Variants in NXF1 observed in about 807,000 individuals in gnomAD.
NXF1 encodes mRNA export factor TAP.
In NXF1, 43 loss-of-function variants were observed where a neutral mutation model predicts 92.4. That is an observed-to-expected ratio of 0.47 (90% confidence interval 0.36 to 0.60). The LOEUF (loss-of-function observed/expected upper bound fraction) is 0.60. Among genes scored for constraint, NXF1 ranks in the 20% least tolerant of loss-of-function variants. NXF1 has a pLI of 0.00. For synonymous variants in NXF1, 288 were observed against 292.2 expected (o/e 0.99, Z 0.15); for missense variants, 576 against 793.0 (o/e 0.73, Z 3.29).
At chr11:62,803,027 G>A (rs1444219855) in intron 3 of NXF1, among the ~76,000 whole-genome samples, 5 of 152,174 alleles carry the variant, frequency 3.3e-5, no homozygotes, top group Non-Finnish European at 5.9e-5. Context: ...CAGATGACAA[G>A]GAGAATTTTT....
At chr11:62,801,046 A>C (rs1210953627) in intron 9 of NXF1, 48 bp downstream of exon 9, 1 of 1,394,788 alleles carries the variant, frequency 7.2e-7, no homozygotes. Context: ...AACTCTCTAC[A>C]CCCTCTACCC....
chr11:62,792,357 C>T lies in NXF1; in HGVS notation c.*119G>A, dbSNP rs988994462. ...GGAGAGGGATCAGGCAGCCCTCCCT[C>T]CCTCGGTCACAGTCACGGGGCGGCC... is the stretch of plus-strand genomic sequence containing the variant. On this transcript the variant is annotated 3_prime_UTR_variant, in exon 21 of 21. Transcript: ENST00000294172. 9 of 1,243,876 alleles carry T rather than the reference C, an allele frequency of 7.2e-6. No homozygotes were observed. The highest frequency in any genetic ancestry group is 1.1e-5 in the Non-Finnish European group (9 of 848,212). The allele number at this position is 1,243,876 out of a possible 1,614,324, so 77.1% of individuals were successfully genotyped here.
At chr11:62,800,560 C>T in intron 9 of NXF1, 74 bp from the exon 10 acceptor site, 2 of 940,558 alleles carry the variant, frequency 2.1e-6, no homozygotes, top group East Asian at 5.2e-5. Context: ...ACCCCCAGTC[C>T]CTACGCTTAG....
Position 62,798,575 on chromosome 11 carries a change from G to A in NXF1, c.1017C>T (p.Ser339=), listed in dbSNP as rs562204003. The A allele has an allele frequency of 2.8e-5, 46 of 1,614,066 alleles. No homozygotes were observed. The highest frequency in any genetic ancestry group is 4.4e-5 in the South Asian group (4 of 91,078). The change falls in exon 11 of 21, where the codon AGC becomes AGT. Residue 339 remains serine (S), a splice_region_variant and synonymous_variant. Coordinates refer to ENST00000294172, the MANE Select transcript of NXF1 (RefSeq NM_006362.5). The part of the protein sequence containing the change: ...DTFRDQSTYI[S]AIRERFPKLL... ...ACTTGGGAAATCGTTCGCGAATGGC[G>A]CTGTCAAGAACGGGACAGAAGTGAG...
At chr11:62,804,192 T>C in intron 1 of NXF1, 3 of 1,519,504 alleles carry the variant, frequency 2.0e-6, no homozygotes, top group Non-Finnish European at 2.6e-6. Flanking sequence ...TGTAGGGCTT[T>C]TGAAAAATGA....
In NXF1 at chr11:62,800,792, T is replaced by A. The variant is rs182975997; in HGVS notation, c.906+302A>T. ...TAATTTATTTTTTAAATTAAAAAAA[T>A]TTTTTTGAGACAGGTTGCTCAGGCT... On this transcript the variant is annotated intron_variant, in intron 9 of 20. Transcript: ENST00000294172. Among the ~76,000 whole-genome samples the A allele has an allele frequency of 2.4e-3, 368 of 152,070 alleles. 2 individuals are homozygous for A. Among genetic ancestry groups the A allele is most frequent in the African/African-American group, 5.4e-3 (222 of 41,492 alleles).
chr11:62,803,723 C>T (rs2084504263), intron 2 of NXF1, 69 bp downstream of exon 2: 1 of 1,561,392 alleles, frequency 6.4e-7, no homozygotes, highest in African/African-American at 1.4e-5. Context: ...AAGGAAATGA[C>T]ATGGACAGTA....
At position 62,792,661 on chromosome 11, in the gene NXF1, G is replaced by C. The variant is rs377660358; in HGVS notation, c.1801C>G (p.Gln601Glu). 2 of 1,614,180 alleles carry C rather than the reference G, an allele frequency of 1.2e-6. No individual in the cohort carries two copies. Among genetic ancestry groups the C allele is most frequent in the Non-Finnish European group, 1.7e-6 (2 of 1,180,022 alleles). The stretch of plus-strand genomic sequence containing the variant: ...CTTACCTTGAGATGAGTGAAGGCCT[G>C]GGCAGATCTGGTGTAGTCCCAGTTG... ...DNNWDYTRSA[Q>E]AFTHLKAKGE... Residue 601 changes from glutamine (Q) to glutamate (E), a missense_variant, in exon 20 of 21, where the codon CAG (glutamine) becomes GAG (glutamate). This residue lies in a region of NXF1 where 425 missense variants were observed against 635.2 expected (regional missense o/e 0.67). Coordinates refer to ENST00000294172, the MANE Select transcript of NXF1 (RefSeq NM_006362.5).
Position 62,792,380 on chromosome 11 carries a change from G to T in NXF1, c.*96C>A. ...CTCCCTCGGTCACAGTCACGGGGCG[G>T]CCTCGGGCCAGACAGGAGGAGATGA... is the stretch of plus-strand genomic sequence containing the variant. On this transcript the variant is annotated 3_prime_UTR_variant, in exon 21 of 21. Coordinates refer to ENST00000294172, the MANE Select transcript of NXF1 (RefSeq NM_006362.5). 1.4e-6 allele frequency: 2 copies of T among 1,477,632 alleles called. No individual in the cohort carries two copies. The highest frequency in any genetic ancestry group is 2.3e-5 in the South Asian group (2 of 88,482). 91.5% of individuals were successfully genotyped at this position (1,477,632 alleles called of 1,614,324 possible). A position where few individuals can be genotyped will look rare whatever the true frequency, so the allele number is the denominator to read the frequency against.
intron 19 of NXF1, 183 bp from the exon 20 acceptor site, chr11:62,792,884 A>G (rs891452424): frequency 3.3e-6 from 2 of 601,116 alleles, no homozygotes; most frequent in Non-Finnish European, 5.9e-6. Flanking sequence ...TCTCAAAGAT[A>G]AGGAATATTA....
intron 17 of NXF1, chr11:62,795,381 CAGG>C (rs1459536120): frequency 9.9e-6 from 2 of 202,860 alleles, no homozygotes; most frequent in East Asian, 2.4e-4. Flanking sequence ...GAGGCTGAAG[CAGG>C]AGAACCACTT....
intron 1 of NXF1, among the ~76,000 whole-genome samples, chr11:62,804,887 T>G (rs957600103): frequency 2.0e-5 from 3 of 152,128 alleles, no homozygotes; most frequent in Admixed American, 2.0e-4. Context: ...CCCAGTGTAG[T>G]GTTCAGACTA....
At position 62,796,076 on chromosome 11, in the gene NXF1, CT is replaced by C; in HGVS notation, c.1450del (p.Ser484AlafsTer47). On this transcript the variant is annotated frameshift_variant, in exon 16 of 21. Transcript: ENST00000294172. LOFTEE classifies it high-confidence loss of function. ...CAAGCAGGAGCTTACTGTCTGGGCG[CT>C]TATGTCTACCACGAAGGAATTGACG... is the stretch of plus-strand genomic sequence containing the variant. ...HDVNSFVVDI[S>X]AQTSTLLCFS... is the part of the protein sequence containing the mutation. The C allele has an allele frequency of 6.2e-7, 1 of 1,611,818 alleles. No homozygotes were observed. The highest frequency in any genetic ancestry group is 8.5e-7 in the Non-Finnish European group (1 of 1,178,918).
chr11:62,796,382 C>T, intron 14 of NXF1, 37 bp from the exon 15 acceptor site: 1 of 1,613,658 alleles, frequency 6.2e-7, no homozygotes, highest in African/African-American at 1.3e-5. Context: ...GTGTTCAGAG[C>T]AGTGCTGCCA....
intron 10 of NXF1, chr11:62,799,736 GC>G (rs35839700): frequency 4.6e-5 from 45 of 985,942 alleles, no homozygotes; most frequent in Non-Finnish European, 5.4e-5. Context: ...TGCTGGCGGG[GC>G]CCCAGCTCTG....
At chr11:62,794,795 G>A in intron 18 of NXF1, 140 bp downstream of exon 18, 1 of 738,514 alleles carries the variant, frequency 1.4e-6, no homozygotes, top group Non-Finnish European at 2.3e-6. Flanking sequence ...CTATTAACTG[G>A]CTCTTAACTA....
chr11:62,805,400 G>T lies in NXF1; in HGVS notation c.-44C>A. 1.2e-6 allele frequency: 2 copies of T among 1,608,938 alleles called. No individual in the cohort carries two copies. Among genetic ancestry groups the T allele is most frequent in the African/African-American group, 1.3e-5 (1 of 74,644 alleles). ...GGCGGGCTCAGGCGCTGGCCGCTAC[G>T]CCGGCAAACAACCTAACTCCCAAGC... On this transcript the variant is annotated 5_prime_UTR_variant, in exon 1 of 21. Transcript: ENST00000294172.
At chr11:62,801,541 A>T (rs2084478618) in intron 7 of NXF1, 21 bp downstream of exon 7, 4 of 1,613,518 alleles carry the variant, frequency 2.5e-6, no homozygotes, top group Non-Finnish European at 3.4e-6. Context: ...CCTATCTGAG[A>T]ACTACTGCTG....
chr11:62,797,537 T>A lies in NXF1; in HGVS notation c.1054-151A>T, dbSNP rs1464021466. 9.0e-6 allele frequency: 6 copies of A among 668,582 alleles called. No homozygotes were observed. The African/African-American group carries it at 9.1e-5, about 10-fold the overall frequency. The allele number at this position is 668,582 out of a possible 1,614,324, so 41.4% of individuals were successfully genotyped here. ...TGGACAACGTGGCAAAACCCATCTC[T>A]ACCAAAAAAAATACAAAAATTAGCT... On this transcript the variant is annotated intron_variant, in intron 11 of 20. Transcript: ENST00000294172.
Sources: allele counts gnomAD v4.1 joint callset (sites outside exome capture counted in the v4.1 genomes callset), GRCh38; gene constraint gnomAD v4.1.1; regional missense constraint gnomAD v4.1.1; transcripts MANE v1.5; gene names NCBI Gene and HGNC (gene_info 2026-07-23, HGNC 2026-07-21).